PCSK2: variants seen among roughly 807,000 people sequenced by gnomAD.
PCSK2 encodes proprotein convertase subtilisin/kexin type 2.
A neutral mutation model predicts 69.7 loss-of-function variants in PCSK2; 14 were observed. That is an observed-to-expected ratio of 0.20 (90% CI 0.13 to 0.31). The LOEUF is 0.31. PCSK2 is among the 10% of genes least tolerant of loss of function. PCSK2 has a pLI of 1.00. For synonymous variants in PCSK2, 307 were observed against 320.7 expected (o/e 0.96, Z 0.46); for missense variants, 544 against 842.5 (o/e 0.65, Z 4.39).
At chr20:17,312,514 A>G (rs1325672935) in intron 2 of PCSK2, among the ~76,000 whole-genome samples, 1 of 152,136 alleles carries the variant, frequency 6.6e-6, no homozygotes, top group East Asian at 1.9e-4. Context: ...CGAAGTGTTC[A>G]AAAAACTAAC....
chr20:17,418,817 G>C (rs1317496030), intron 6 of PCSK2, among the ~76,000 whole-genome samples: 2 of 152,182 alleles, frequency 1.3e-5, no homozygotes, highest in Non-Finnish European at 2.9e-5. Flanking sequence ...TGGGGCTCTT[G>C]AGAAAGGCTG....
At chr20:17,311,322 CTTAAG>C (rs768031628) in intron 2 of PCSK2, among the ~76,000 whole-genome samples, 58 of 152,258 alleles carry the variant, frequency 3.8e-4, no homozygotes, top group Non-Finnish European at 6.8e-4. Flanking sequence ...AAAAAATTCA[CTTAAG>C]TTGACTAATT....
At chr20:17,264,389 T>A (rs1035596788) in intron 2 of PCSK2, among the ~76,000 whole-genome samples, 3 of 152,212 alleles carry the variant, frequency 2.0e-5, no homozygotes, top group Admixed American at 2.0e-4. Context: ...CTTCTATCAG[T>A]CCAATAAAAA....
chr20:17,310,021 C>T (rs1007639590), intron 2 of PCSK2, among the ~76,000 whole-genome samples: 1 of 152,016 alleles, frequency 6.6e-6, no homozygotes, highest in Non-Finnish European at 1.5e-5. Flanking sequence ...CCTCTGGAAG[C>T]TTCCAATCAT....
At chr20:17,329,976 A>C (rs544139247) in intron 2 of PCSK2, among the ~76,000 whole-genome samples, 10 of 152,252 alleles carry the variant, frequency 6.6e-5, no homozygotes, top group African/African-American at 2.2e-4. Context: ...AACTGTGTAC[A>C]TAATATGAAG....
At chr20:17,315,664 C>T (rs1989664173) in intron 2 of PCSK2, among the ~76,000 whole-genome samples, 1 of 152,240 alleles carries the variant, frequency 6.6e-6, no homozygotes, top group Non-Finnish European at 1.5e-5. Context: ...GGGGCGCGCC[C>T]ATCCTTTCGC....
At position 17,428,052 on chromosome 20, in the gene PCSK2, T is replaced by G. The variant is rs531493781; in HGVS notation, c.621-1383T>G. Among the ~76,000 whole-genome samples the G allele has an allele frequency of 3.3e-5, 5 of 152,358 alleles. No individual in the cohort carries two copies. In the South Asian group the frequency reaches 1.0e-3, roughly 32 times the overall value. On this transcript the variant is annotated intron_variant, in intron 6 of 11. Coordinates refer to ENST00000262545, the MANE Select transcript of PCSK2 (RefSeq NM_002594.5). ...TAAGAAACCTCTATTTATGGCTGAT[T>G]GCTAATTAGTGTTGCCTAATTTAGC... is the stretch of plus-strand genomic sequence containing the variant.
chr20:17,462,125 G>A (rs1053288866), intron 10 of PCSK2, among the ~76,000 whole-genome samples: 3 of 152,190 alleles, frequency 2.0e-5, no homozygotes, highest in Middle Eastern at 3.4e-3. Context: ...GGGAGCCCCT[G>A]GAAAGCTCTA....
chr20:17,229,251 T>A (rs1341083181), intron 1 of PCSK2, among the ~76,000 whole-genome samples: 1 of 151,790 alleles, frequency 6.6e-6, no homozygotes, highest in African/African-American at 2.4e-5. Flanking sequence ...AGGCAAGGGC[T>A]TCAATCCAGA....
chr20:17,447,296 A>T (rs140874180), intron 8 of PCSK2, among the ~76,000 whole-genome samples: 2 of 151,946 alleles, frequency 1.3e-5, no homozygotes, highest in African/African-American at 4.8e-5. Flanking sequence ...TCTATGAAAG[A>T]AAAAAACATA....
intron 6 of PCSK2, among the ~76,000 whole-genome samples, chr20:17,414,672 C>G (rs1210217859): frequency 1.3e-5 from 2 of 152,214 alleles, no homozygotes; most frequent in African/African-American, 4.8e-5. Context: ...GGAATCCTCC[C>G]TAACTCATTT....
intron 5 of PCSK2, among the ~76,000 whole-genome samples, chr20:17,390,283 G>C (rs1409232119): frequency 6.6e-6 from 1 of 152,214 alleles, no homozygotes; most frequent in South Asian, 2.1e-4. Flanking sequence ...CATATGGTGA[G>C]ACAACTCCTC....
At chr20:17,265,437 T>C (rs568831048) in intron 2 of PCSK2, among the ~76,000 whole-genome samples, 1 of 152,260 alleles carries the variant, frequency 6.6e-6, no homozygotes, top group East Asian at 1.9e-4. Flanking sequence ...ATAGAAATTT[T>C]CCAATTTATC....
intron 2 of PCSK2, among the ~76,000 whole-genome samples, chr20:17,350,283 T>C (rs909699587): frequency 1.3e-5 from 2 of 151,286 alleles, no homozygotes; most frequent in African/African-American, 2.4e-5. Context: ...AAAATAATTC[T>C]CAGTGGCACA....
At chr20:17,296,600 C>A (rs1015339932) in intron 2 of PCSK2, among the ~76,000 whole-genome samples, 2 of 152,154 alleles carry the variant, frequency 1.3e-5, no homozygotes, top group Non-Finnish European at 2.9e-5. Context: ...AACATCCCTT[C>A]AGTTATTTCA....
At chr20:17,376,614 T>G (rs1460553993) in intron 5 of PCSK2, among the ~76,000 whole-genome samples, 3 of 152,206 alleles carry the variant, frequency 2.0e-5, no homozygotes, top group African/African-American at 7.2e-5. Flanking sequence ...AGCCTCATAG[T>G]GTGTATTTCT....
chr20:17,401,775 A>G (rs1474562320), intron 5 of PCSK2, among the ~76,000 whole-genome samples: 3 of 152,218 alleles, frequency 2.0e-5, no homozygotes, highest in Non-Finnish European at 4.4e-5. Context: ...TACTGCTAAT[A>G]ATACTGTTGT....
At chr20:17,431,376 A>C (rs944431506) in intron 7 of PCSK2, among the ~76,000 whole-genome samples, 5 of 152,314 alleles carry the variant, frequency 3.3e-5, no homozygotes, top group African/African-American at 1.2e-4. Context: ...CCTTGAGCAG[A>C]GGACACCCCC....
At position 17,483,682 on chromosome 20, in the gene PCSK2, T is replaced by G. The variant is rs954469829; in HGVS notation, c.*1612T>G. 6.6e-6 allele frequency: 1 copy of G among 152,534 alleles called. No homozygotes were observed. The highest frequency in any genetic ancestry group is 2.4e-5 in the African/African-American group (1 of 41,468). 9.4% of individuals were successfully genotyped at this position (152,534 alleles called of 1,614,324 possible). On this transcript the variant is annotated 3_prime_UTR_variant, in exon 12 of 12. Transcript: ENST00000262545. ...TTTCTCCCATATTGGCATGGATTTC[T>G]GTCTTCTCTAACACCTTGTGACCTT...
Sources: gnomAD v4.1 joint callset for allele counts (sites outside exome capture counted in the v4.1 genomes callset) on GRCh38, gnomAD v4.1.1 for gene constraint, MANE v1.5 for transcripts, NCBI Gene and HGNC (gene_info 2026-07-23, HGNC 2026-07-21) for gene names.